HECW1: variants seen among roughly 807,000 people sequenced by gnomAD.
HECW1 encodes the protein HECT, C2 and WW domain containing E3 ubiquitin protein ligase 1, also known as E3 ubiquitin-protein ligase HECW1.
HECW1 carries 61 observed loss-of-function variants against 182.3 expected under a neutral mutation model. That is an observed-to-expected ratio of 0.33 (90% CI 0.27 to 0.41). HECW1 has a LOEUF of 0.41. HECW1 is among the 10% of genes least tolerant of loss of function. The probability of loss-of-function intolerance (pLI) is 1.00; values close to 1 mark genes in which losing one functional copy is unlikely to be tolerated. For missense variants in HECW1, 1,739 were observed against 2,108.9 expected (o/e 0.82, Z 3.44); for synonymous variants, 859 against 832.6 (o/e 1.03, Z -0.55).
At chr7:43,336,868 G>C (rs929136219) in intron 5 of HECW1, among the ~76,000 whole-genome samples, 1 of 152,130 alleles carries the variant, frequency 6.6e-6, no homozygotes, top group Non-Finnish European at 1.5e-5. Context: ...ACGTTGCTGC[G>C]AAGGACATGA....
intron 3 of HECW1, among the ~76,000 whole-genome samples, chr7:43,266,278 T>G (rs1801784233): frequency 6.6e-6 from 1 of 152,148 alleles, no homozygotes; most frequent in South Asian, 2.1e-4. Flanking sequence ...GTGAAGGGGC[T>G]GATTATGAGT....
intron 2 of HECW1, among the ~76,000 whole-genome samples, chr7:43,213,092 C>T (rs925201839): frequency 4.0e-5 from 6 of 151,616 alleles, no homozygotes; most frequent in Admixed American, 2.6e-4. Flanking sequence ...ATGTATTTCT[C>T]GGTGAAAGAA....
chr7:43,462,431 G>T (rs936028264), intron 13 of HECW1, among the ~76,000 whole-genome samples: 8 of 151,518 alleles, frequency 5.3e-5, no homozygotes, highest in African/African-American at 1.9e-4. Flanking sequence ...TCATTCTCAA[G>T]ATTGATCCCT....
intron 24 of HECW1, among the ~76,000 whole-genome samples, chr7:43,529,731 C>T (rs925441391): frequency 6.6e-6 from 1 of 152,142 alleles, no homozygotes; most frequent in Non-Finnish European, 1.5e-5. Context: ...GCTCTAGGCC[C>T]ACCAGTCCCC....
chr7:43,346,217 G>A (rs1332269284), intron 5 of HECW1, among the ~76,000 whole-genome samples: 1 of 152,014 alleles, frequency 6.6e-6, no homozygotes. Context: ...ATCACATTGT[G>A]GTTTTGATTT....
chr7:43,560,094 G>A (rs544695652), intron 29 of HECW1, among the ~76,000 whole-genome samples: 15 of 152,096 alleles, frequency 9.9e-5, no homozygotes, highest in African/African-American at 2.7e-4. Flanking sequence ...CTCCTATCTC[G>A]CCCCTGGCTA....
intron 2 of HECW1, among the ~76,000 whole-genome samples, chr7:43,120,944 G>C (rs1470745528): frequency 6.6e-6 from 1 of 152,096 alleles, no homozygotes; most frequent in Middle Eastern, 3.2e-3. Flanking sequence ...GAGCCACCAC[G>C]CCTGGGCAGA....
At position 43,293,991 on chromosome 7, in the gene HECW1, T is replaced by C. The variant is rs192386160; in HGVS notation, c.28-17772T>C. Among the ~76,000 whole-genome samples the C allele has an allele frequency of 1.2e-4, 19 of 152,270 alleles. No individual in the cohort carries two copies. The East Asian group carries it at 3.7e-3, about 29-fold the overall frequency. On this transcript the variant is annotated intron_variant, in intron 3 of 29. Coordinates refer to ENST00000395891, the MANE Select transcript of HECW1 (RefSeq NM_015052.5). ...ATGCTCCTTATGAGAACATAAGTAA[T>C]GCCTGATAATCTGAGGTGGAACAGT...
At chr7:43,507,398 G>T in intron 22 of HECW1, 141 bp downstream of exon 22, 2 of 762,458 alleles carry the variant, frequency 2.6e-6, no homozygotes, top group Non-Finnish European at 4.0e-6. Context: ...GAAGAAGGAA[G>T]TTGGGAAGCT....
At chr7:43,466,994 G>A (rs1019582077) in intron 15 of HECW1, among the ~76,000 whole-genome samples, 3 of 152,120 alleles carry the variant, frequency 2.0e-5, no homozygotes, top group African/African-American at 4.8e-5. Context: ...TTCGAATATC[G>A]TGCTGAAGTT....
chr7:43,170,301 T>C (rs188397505), intron 2 of HECW1, among the ~76,000 whole-genome samples: 30 of 152,280 alleles, frequency 2.0e-4, no homozygotes, highest in African/African-American at 6.7e-4. Context: ...GTAATAATAG[T>C]AGAAATAAAG....
chr7:43,251,013 C>T (rs1051569108), intron 3 of HECW1, among the ~76,000 whole-genome samples: 3 of 152,178 alleles, frequency 2.0e-5, no homozygotes, highest in Non-Finnish European at 2.9e-5. Flanking sequence ...TACAATCATT[C>T]GTTACTTCTC....
In HECW1 at chr7:43,123,857, G is replaced by A. The variant is rs115918351; in HGVS notation, c.-32+9466G>A. Among the ~76,000 whole-genome samples the A allele has an allele frequency of 7.3e-3, 1,116 of 152,306 alleles. 11 individuals carry two copies. Among genetic ancestry groups the A allele is most frequent in the African/African-American group, 0.025 (1,052 of 41,558 alleles). Reference sequence around the variant, plus strand: ...CAGGCCCTCCTCTCCAGAAGTCTGTGTCCTGCTCTCAGTTAAACGGCACAT... The same window carrying A: ...CAGGCCCTCCTCTCCAGAAGTCTGTATCCTGCTCTCAGTTAAACGGCACAT... On this transcript the variant is annotated intron_variant, in intron 2 of 29. Transcript: ENST00000395891.
At chr7:43,287,551 T>C (rs1379539946) in intron 3 of HECW1, among the ~76,000 whole-genome samples, 1 of 152,204 alleles carries the variant, frequency 6.6e-6, no homozygotes, top group Non-Finnish European at 1.5e-5. Flanking sequence ...TTGCCCAGGC[T>C]GGTCTCCAAC....
intron 6 of HECW1, among the ~76,000 whole-genome samples, chr7:43,373,055 G>C (rs1291119507): frequency 2.0e-5 from 3 of 152,244 alleles, no homozygotes; most frequent in African/African-American, 4.8e-5. Flanking sequence ...AGGAATTTCT[G>C]ATGATTATAA....
chr7:43,344,568 C>A (rs1813434256), intron 5 of HECW1, among the ~76,000 whole-genome samples: 1 of 151,132 alleles, frequency 6.6e-6, no homozygotes, highest in Non-Finnish European at 1.5e-5. Flanking sequence ...ATTCATAGGG[C>A]TTTTTGAATC....
intron 3 of HECW1, 75 bp from the exon 4 acceptor site, chr7:43,311,688 T>G: frequency 7.3e-7 from 1 of 1,375,710 alleles, no homozygotes; most frequent in Non-Finnish European, 1.0e-6. Flanking sequence ...CAGCACATCT[T>G]TCGTTTTCGT....
chr7:43,380,636 T>G (rs539679945), intron 6 of HECW1, among the ~76,000 whole-genome samples: 74 of 152,094 alleles, frequency 4.9e-4, no homozygotes, highest in African/African-American at 1.5e-3. Flanking sequence ...CAAGCGATTC[T>G]CCTGCCTCAG....
In HECW1 at chr7:43,201,468, G is replaced by A. The variant is rs185869577; in HGVS notation, c.-31-42407G>A. On this transcript the variant is annotated intron_variant, in intron 2 of 29. Transcript: ENST00000395891. Reference sequence around the variant, plus strand: ...GTCAAATTGAGAATCCACGCTCAATGGGATGCTAGGGGGCTTTTCTGTAAA... The same window carrying A: ...GTCAAATTGAGAATCCACGCTCAATAGGATGCTAGGGGGCTTTTCTGTAAA... 3.0e-4 allele frequency among the ~76,000 whole-genome samples: 46 copies of A among 152,314 alleles called. No individual in the cohort carries two copies. In the East Asian group the frequency reaches 8.1e-3, roughly 27 times the overall value.
Sources: allele counts gnomAD v4.1 joint callset (sites outside exome capture counted in the v4.1 genomes callset), GRCh38; gene constraint gnomAD v4.1.1; transcripts MANE v1.5; gene names NCBI Gene and HGNC (gene_info 2026-07-23, HGNC 2026-07-21).